Variants in FOXP3 observed in about 807,000 individuals in gnomAD.
The protein encoded by FOXP3 is forkhead box protein P3.
A neutral mutation model predicts 31.2 loss-of-function variants in FOXP3; 5 were observed. The observed-to-expected ratio is 0.16, with a 90% CI of 0.08 to 0.34. The LOEUF is 0.34. Among genes scored for constraint, FOXP3 ranks in the 10% least tolerant of loss-of-function variants. The pLI is 1.00. For synonymous variants in FOXP3, 141 were observed against 148.8 expected (o/e 0.95, Z 0.38); for missense variants, 251 against 363.0 (o/e 0.69, Z 2.51).
At chrX:49,252,361 TG>T (rs782378552) in intron 10 of FOXP3, among the ~76,000 whole-genome samples, 1 of 110,102 alleles carries the variant, frequency 9.1e-6, no homozygotes, top group East Asian at 2.9e-4. Context: ...AGGTTAGTTG[TG>T]GGGTTCGGTG....
intron 1 of FOXP3, among the ~76,000 whole-genome samples, chrX:49,262,767 G>A (rs1237266912): frequency 2.7e-5 from 3 of 111,643 alleles, no homozygotes; most frequent in African/African-American, 6.5e-5. Flanking sequence ...TCACACATAG[G>A]GCTTGGGGTG....
In FOXP3 at chrX:49,258,477, G is replaced by A. The variant is rs782104014; in HGVS notation, c.29C>T (p.Ser10Leu). 5.1e-6 allele frequency: 6 copies of A among 1,180,346 alleles called. No individual in the cohort carries two copies. Among genetic ancestry groups the A allele is most frequent in the South Asian group, 3.8e-5 (2 of 52,865 alleles). The part of the protein sequence containing the change: MPNPRPGKP[S>L]APSLALGPSP... ...TGGGCCAAGGGCCAAGGAAGGGGCC[G>A]AGGGCTTGCCAGGCCTGGGGTTGGG... is the stretch of plus-strand genomic sequence containing the variant. Residue 10 changes from serine to leucine, a missense_variant, in exon 2 of 12, where the codon TCG becomes TTG. Physicochemically the swap from Ser to Leu is moderately radical, Grantham distance 145. Coordinates refer to ENST00000376207, the MANE Select transcript of FOXP3 (RefSeq NM_014009.4).
chrX:49,264,500 A>G (rs1470795403), intron 1 of FOXP3, among the ~76,000 whole-genome samples, 161 bp downstream of exon 1: 1 of 73,593 alleles, frequency 1.4e-5, no homozygotes, highest in African/African-American at 4.4e-5. Flanking sequence ...GTCTTCTGCC[A>G]TTTATTCTAT....
At chrX:49,258,740 AT>A (rs2066092545) in intron 1 of FOXP3, among the ~76,000 whole-genome samples, 1 of 110,565 alleles carries the variant, frequency 9.0e-6, no homozygotes, top group Non-Finnish European at 1.9e-5. Context: ...ATACCCACAC[AT>A]GCCCCACGTG....
chrX:49,259,807 C>T (rs1426373747), intron 1 of FOXP3, among the ~76,000 whole-genome samples: 1 of 111,671 alleles, frequency 9.0e-6, no homozygotes, highest in African/African-American at 3.3e-5. Flanking sequence ...TTGAGAACTC[C>T]ACTTCTTTCT....
intron 8 of FOXP3, among the ~76,000 whole-genome samples, chrX:49,254,865 C>T (rs2066058321): frequency 9.0e-6 from 1 of 111,331 alleles, no homozygotes; most frequent in East Asian, 2.8e-4. Context: ...TGGCACACAG[C>T]CTGCATCTGG....
At position 49,251,288 on chromosome X, in the gene FOXP3, C is replaced by T. The variant is rs1557115490; in HGVS notation, c.*46G>A. On this transcript the variant is annotated 3_prime_UTR_variant, in exon 12 of 12. Coordinates refer to ENST00000376207, the MANE Select transcript of FOXP3 (RefSeq NM_014009.4). ...CTGCCCCCACCACCTCTGCCTCCCACCAGTTTGGCCCCTGTTCGTCCATCC... is the reference window on the plus strand; with the variant it reads ...CTGCCCCCACCACCTCTGCCTCCCATCAGTTTGGCCCCTGTTCGTCCATCC... 1.7e-6 allele frequency: 2 copies of T among 1,185,681 alleles called. No individual in the cohort carries two copies. The highest frequency in any genetic ancestry group is 2.3e-5 in the Admixed American group (1 of 44,053).
rs17847093 is a variant in FOXP3, at chrX:49,255,814, G to C, written c.648-12C>G. The C allele has an allele frequency of 8.4e-7, 1 of 1,193,417 alleles. No individual in the cohort carries two copies. Among genetic ancestry groups the C allele is most frequent in the East Asian group, 3.0e-5 (1 of 33,586 alleles). ...CCGCCTGGCAGTGCCTAAGTAGGGAGAAGATTCCATGCAGGTGACCACGAC... is the reference window on the plus strand; with the variant it reads ...CCGCCTGGCAGTGCCTAAGTAGGGACAAGATTCCATGCAGGTGACCACGAC... On this transcript the variant is annotated splice_polypyrimidine_tract_variant and intron_variant, in intron 6 of 11. Coordinates refer to ENST00000376207, the MANE Select transcript of FOXP3 (RefSeq NM_014009.4).
At chrX:49,254,313 G>A (rs1350019308) in intron 8 of FOXP3, among the ~76,000 whole-genome samples, 1 of 110,810 alleles carries the variant, frequency 9.0e-6, no homozygotes, top group Non-Finnish European at 1.9e-5. Context: ...TGTATTTTTG[G>A]TAGAGATGGG....
intron 10 of FOXP3, among the ~76,000 whole-genome samples, chrX:49,252,825 T>C (rs1178280156): frequency 9.1e-6 from 1 of 109,985 alleles, no homozygotes; most frequent in African/African-American, 3.3e-5. Flanking sequence ...GGCTATTTTA[T>C]GGGTCCAGGA....
chrX:49,257,814 G>A lies in FOXP3; in HGVS notation c.211-46C>T, dbSNP rs1557116635. ...GTGAGAGGCCATCCTGATCCTCACT[G>A]TTCTGTGTCTAATTCAAATACTCTG... is the stretch of plus-strand genomic sequence containing the variant. On this transcript the variant is annotated intron_variant, in intron 2 of 11. Coordinates refer to ENST00000376207, the MANE Select transcript of FOXP3 (RefSeq NM_014009.4). The A allele has an allele frequency of 4.0e-6, 4 of 1,009,146 alleles. No individual in the cohort carries two copies. The Admixed American group carries it at 1.0e-4, about 26-fold the overall frequency. The allele number at this position is 1,009,146 out of a possible 1,213,427, so 83.2% of individuals were successfully genotyped here. A position where few individuals can be genotyped will look rare whatever the true frequency, so the allele number is the denominator to read the frequency against.
intron 1 of FOXP3, among the ~76,000 whole-genome samples, chrX:49,262,913 G>A (rs1602691509): frequency 9.0e-6 from 1 of 111,203 alleles, no homozygotes; most frequent in East Asian, 2.8e-4. Flanking sequence ...AGTAGGAAAG[G>A]ACTTTCTAAG....
intron 10 of FOXP3, 189 bp from the exon 11 acceptor site, chrX:49,251,954 C>T (rs2066035760): frequency 1.4e-6 from 1 of 737,457 alleles, no homozygotes; most frequent in Non-Finnish European, 1.6e-6. Flanking sequence ...TCGGGTTGGG[C>T]AGGGTTAGAT....
At chrX:49,261,925 C>T (rs781988027) in intron 1 of FOXP3, among the ~76,000 whole-genome samples, 1 of 112,225 alleles carries the variant, frequency 8.9e-6, no homozygotes, top group African/African-American at 3.2e-5. Flanking sequence ...CACGGAGAGG[C>T]GTGGAGTAGA....
intron 9 of FOXP3, among the ~76,000 whole-genome samples, chrX:49,253,658 G>A (rs1201481477): frequency 8.9e-6 from 1 of 112,372 alleles, no homozygotes; most frequent in Non-Finnish European, 1.9e-5. Flanking sequence ...AGTCCAGAGT[G>A]GGTGAGGCAT....
Position 49,264,648 on chromosome X carries a change from C to T in FOXP3, c.-23+13G>A. 8.0e-6 allele frequency: 6 copies of T among 752,464 alleles called. No homozygotes were observed. Among genetic ancestry groups the T allele is most frequent in the Non-Finnish European group, 9.4e-6 (6 of 637,513 alleles). 62.0% of individuals were successfully genotyped at this position (752,464 alleles called of 1,213,427 possible). On this transcript the variant is annotated intron_variant, in intron 1 of 11. Coordinates refer to ENST00000376207, the MANE Select transcript of FOXP3 (RefSeq NM_014009.4). Reference sequence around the variant, plus strand: ...GGGGCCCACATCTGGTAGGGGAGAGCAGGGACACTCACCTTGGTGAAGTGG... The same window carrying T: ...GGGGCCCACATCTGGTAGGGGAGAGTAGGGACACTCACCTTGGTGAAGTGG...
Position 49,257,656 on chromosome X carries a change from G to C in FOXP3, c.315+8C>G. The C allele has an allele frequency of 1.7e-6, 2 of 1,178,964 alleles. No individual in the cohort carries two copies. Among genetic ancestry groups the C allele is most frequent in the Non-Finnish European group, 2.3e-6 (2 of 877,992 alleles). ...GCTCCCTCCTCCCTGCCCATTCACC[G>C]TCCATACCTGGTGCATGAAATGTGG... On this transcript the variant is annotated splice_region_variant and intron_variant, in intron 3 of 11. Coordinates refer to ENST00000376207, the MANE Select transcript of FOXP3 (RefSeq NM_014009.4).
In FOXP3 at chrX:49,257,573, G is replaced by C. The variant is rs782691809; in HGVS notation, c.316-8C>G. On this transcript the variant is annotated splice_region_variant and splice_polypyrimidine_tract_variant and intron_variant, in intron 3 of 11. Transcript: ENST00000376207. ...GGCATCCACCGTTGAGAGCTGGGGG[G>C]CACATGTGGGCTGTGGTTCAGCCTG... 7 of 1,192,364 alleles carry C rather than the reference G, an allele frequency of 5.9e-6. No homozygotes were observed. The South Asian group carries it at 1.3e-4, about 22-fold the overall frequency.
In FOXP3 at chrX:49,257,672, T is replaced by TGAA; in HGVS notation, c.304_306dup (p.Phe102dup). ...CCATTCACCGTCCATACCTGGTGCA[T>TGAA]GAAATGTGGCCTGTCCTGGAGGAGT... On this transcript the variant is annotated inframe_insertion, in exon 3 of 12. Coordinates refer to ENST00000376207, the MANE Select transcript of FOXP3 (RefSeq NM_014009.4). 2.7e-5 allele frequency: 32 copies of TGAA among 1,181,310 alleles called. No individual in the cohort carries two copies. Among genetic ancestry groups the TGAA allele is most frequent in the Non-Finnish European group, 3.5e-5 (31 of 879,435 alleles).
Sources: allele counts gnomAD v4.1 joint callset (sites outside exome capture counted in the v4.1 genomes callset), GRCh38; gene constraint gnomAD v4.1.1; transcripts MANE v1.5; gene names NCBI Gene and HGNC (gene_info 2026-07-23, HGNC 2026-07-21).